The following CNTN3 variants were observed in gnomAD, a reference collection of about 807,000 sequenced individuals.
CNTN3 encodes the protein contactin-3.
Under a neutral mutation model 119.1 loss-of-function variants are expected in CNTN3, and 60 were observed. That is an observed-to-expected ratio of 0.50 (90% CI 0.41 to 0.62). The LOEUF (loss-of-function observed/expected upper bound fraction) is 0.62. Among genes scored for constraint, CNTN3 ranks in the 20% least tolerant of loss-of-function variants. The pLI, the probability that CNTN3 is intolerant of heterozygous loss-of-function variation, is 0.00. For synonymous variants in CNTN3, 450 were observed against 438.7 expected (o/e 1.03, Z -0.32); for missense variants, 1,101 against 1,242.4 (o/e 0.89, Z 1.71).
chr3:74,415,213 G>C (rs1701501112), intron 5 of CNTN3, among the ~76,000 whole-genome samples: 1 of 152,138 alleles, frequency 6.6e-6, no homozygotes, highest in Admixed American at 6.6e-5. Context: ...CCAGTTAGGG[G>C]ATCTGGGAAT....
intron 1 of CNTN3, among the ~76,000 whole-genome samples, chr3:74,561,235 C>G (rs149569308): frequency 6.6e-6 from 1 of 151,750 alleles, no homozygotes; most frequent in East Asian, 1.9e-4. Flanking sequence ...TGACAGTTAA[C>G]TAGTCTGCTT....
chr3:74,291,489 A>G (rs997368394), intron 19 of CNTN3, among the ~76,000 whole-genome samples: 11 of 152,122 alleles, frequency 7.2e-5, no homozygotes, highest in Non-Finnish European at 1.3e-4. Flanking sequence ...GTCTTCCACA[A>G]TGGTTGAACT....
At chr3:74,427,439 G>A (rs565656106) in intron 4 of CNTN3, among the ~76,000 whole-genome samples, 8 of 152,274 alleles carry the variant, frequency 5.3e-5, no homozygotes, top group East Asian at 3.9e-4. Context: ...AAGGTATAGC[G>A]AGACTTTTCT....
At chr3:74,281,651 A>G (rs762022616) in intron 20 of CNTN3, among the ~76,000 whole-genome samples, 3 of 152,136 alleles carry the variant, frequency 2.0e-5, no homozygotes, top group Non-Finnish European at 4.4e-5. Context: ...CCTGGCCAGA[A>G]GTGGTAAATT....
chr3:74,578,309 A>G (rs180692388), intron 1 of CNTN3, among the ~76,000 whole-genome samples: 7 of 152,218 alleles, frequency 4.6e-5, no homozygotes, highest in Admixed American at 2.6e-4. Flanking sequence ...GCACAGTCCA[A>G]TGTTTCTCCA....
chr3:74,296,290 A>G (rs1259304880), intron 18 of CNTN3, among the ~76,000 whole-genome samples: 3 of 152,214 alleles, frequency 2.0e-5, no homozygotes, highest in South Asian at 2.1e-4. Context: ...AATGCGTAAG[A>G]GGCTGTGGCT....
chr3:74,441,279 C>T (rs1035014253), intron 4 of CNTN3, among the ~76,000 whole-genome samples: 2 of 152,146 alleles, frequency 1.3e-5, no homozygotes, highest in South Asian at 4.1e-4. Context: ...TACACTAAAG[C>T]ATAATAGATG....
At chr3:74,424,386 T>G (rs2106896568) in intron 5 of CNTN3, among the ~76,000 whole-genome samples, 1 of 104,570 alleles carries the variant, frequency 9.6e-6, no homozygotes, top group Admixed American at 1.2e-4. Context: ...CATTTCTATG[T>G]GTATAAATAT....
intron 4 of CNTN3, among the ~76,000 whole-genome samples, chr3:74,437,897 GA>G (rs1386558768): frequency 2.0e-5 from 3 of 152,090 alleles, no homozygotes; most frequent in African/African-American, 7.2e-5. Context: ...TGGGGCAACA[GA>G]AAAAGCCAAT....
intron 11 of CNTN3, among the ~76,000 whole-genome samples, chr3:74,351,874 A>G (rs1553648373): frequency 6.6e-6 from 1 of 152,178 alleles, no homozygotes; most frequent in Non-Finnish European, 1.5e-5. Flanking sequence ...CTCATAGAGT[A>G]TGGGAGTTAT....
intron 4 of CNTN3, among the ~76,000 whole-genome samples, chr3:74,433,687 G>A (rs905595696): frequency 6.6e-6 from 1 of 151,986 alleles, no homozygotes; most frequent in African/African-American, 2.4e-5. Context: ...CATACACTAA[G>A]CAACAACAAA....
chr3:74,440,791 G>T (rs1701950349), intron 4 of CNTN3, among the ~76,000 whole-genome samples: 1 of 152,020 alleles, frequency 6.6e-6, no homozygotes, highest in South Asian at 2.1e-4. Flanking sequence ...ATATGCATTA[G>T]GTCATTTGTC....
chr3:74,385,188 G>A (rs190887245), intron 5 of CNTN3, among the ~76,000 whole-genome samples: 26 of 152,224 alleles, frequency 1.7e-4, no homozygotes, highest in African/African-American at 6.3e-4. Context: ...GCACCATTTG[G>A]TCCCCAGAGG....
At chr3:74,598,519 G>C (rs908135985) in intron 1 of CNTN3, among the ~76,000 whole-genome samples, 5 of 152,018 alleles carry the variant, frequency 3.3e-5, no homozygotes, top group African/African-American at 1.2e-4. Flanking sequence ...GAGTGCAGTG[G>C]CATGATCGCA....
At chr3:74,586,035 T>G (rs1704587493) in intron 1 of CNTN3, among the ~76,000 whole-genome samples, 1 of 152,146 alleles carries the variant, frequency 6.6e-6, no homozygotes, top group Non-Finnish European at 1.5e-5. Flanking sequence ...TGTCTTGGAA[T>G]TCAGACTTCA....
chr3:74,569,787 A>T (rs1283458964), intron 1 of CNTN3, among the ~76,000 whole-genome samples: 1 of 152,146 alleles, frequency 6.6e-6, no homozygotes, highest in Non-Finnish European at 1.5e-5. Flanking sequence ...ACTGACATCA[A>T]GGTGTCATCT....
At chr3:74,352,659 T>C (rs1575745761) in intron 11 of CNTN3, among the ~76,000 whole-genome samples, 1 of 151,962 alleles carries the variant, frequency 6.6e-6, no homozygotes, top group South Asian at 2.1e-4. Context: ...CAGTGAAAAA[T>C]AACAATATGA....
At chr3:74,335,021 C>T in intron 12 of CNTN3, 111 bp from the exon 13 acceptor site, 1 of 621,014 alleles carries the variant, frequency 1.6e-6, no homozygotes, top group South Asian at 2.6e-5. Context: ...GATGCATATA[C>T]ATAAATATAC....
chr3:74,431,465 A>G (rs993942586), intron 4 of CNTN3, among the ~76,000 whole-genome samples: 1 of 152,188 alleles, frequency 6.6e-6, no homozygotes, highest in African/African-American at 2.4e-5. Flanking sequence ...TTTCCCAACA[A>G]GTAAATTTGA....
Sources: gnomAD v4.1 joint callset for allele counts (sites outside exome capture counted in the v4.1 genomes callset) on GRCh38, gnomAD v4.1.1 for gene constraint, MANE v1.5 for transcripts, NCBI Gene and HGNC (gene_info 2026-07-23, HGNC 2026-07-21) for gene names.